The following FAT1 variants were observed in gnomAD, a reference collection of about 807,000 sequenced individuals.
FAT1 encodes the protein protocadherin Fat 1.
Under a neutral mutation model 329.8 loss-of-function variants are expected in FAT1, and 171 were observed. The ratio of observed to expected loss-of-function variants is 0.52; its 90% CI spans 0.46 to 0.59. The LOEUF is 0.59. FAT1 is among the 20% of genes least tolerant of loss of function. FAT1 has a pLI of 0.00. For missense variants in FAT1, 5,672 were observed against 5,774.4 expected, an observed-to-expected ratio of 0.98 and a Z score of 0.57; for synonymous variants, 2,233 against 2,228.6, an observed-to-expected ratio of 1.00 and a Z score of -0.06.
At chr4:186,664,271 G>C (rs867156048) in intron 2 of FAT1, among the ~76,000 whole-genome samples, 1 of 152,152 alleles carries the variant, frequency 6.6e-6, no homozygotes, top group Non-Finnish European at 1.5e-5. Context: ...GAGTGTTGAG[G>C]TCCTTTTATT....
rs2126352744 is a variant in FAT1 at position 186,588,932 on chromosome 4, G to A, written c.13427C>T (p.Ser4476Phe). Residue 4476 changes from serine to phenylalanine, a missense_variant, in exon 27 of 27, where the codon TCT becomes TTT. By Grantham distance (155) the Ser-to-Phe change is radical. Coordinates refer to ENST00000441802, the MANE Select transcript of FAT1 (RefSeq NM_005245.4). ...GAACCTCTGCCGGTTTCTTGATGAAGAACCCAAGCTACCCGCGGCAGGCAT... is the reference window on the plus strand; with the variant it reads ...GAACCTCTGCCGGTTTCTTGATGAAAAACCCAAGCTACCCGCGGCAGGCAT... ...RDMPAAGSLG[S>F]SSRNRQRFNL... 6.2e-7 allele frequency: 1 copy of A among 1,613,972 alleles called. No homozygotes were observed. Among genetic ancestry groups the A allele is most frequent in the Non-Finnish European group, 8.5e-7 (1 of 1,179,864 alleles).
At chr4:186,615,656 G>A (rs946660416) in intron 11 of FAT1, among the ~76,000 whole-genome samples, 7 of 152,030 alleles carry the variant, frequency 4.6e-5, no homozygotes, top group East Asian at 1.9e-4. Context: ...AGCTCCACTC[G>A]CCACCCTGCC....
intron 2 of FAT1, among the ~76,000 whole-genome samples, chr4:186,680,275 G>C (rs562425703): frequency 4.6e-5 from 7 of 152,204 alleles, no homozygotes; most frequent in Non-Finnish European, 1.0e-4. Flanking sequence ...AGGGGTACCA[G>C]TGTTGAGAAG....
In FAT1 at chr4:186,644,557, C is replaced by T. The variant is rs540200630; in HGVS notation, c.3581-4774G>A. Reference sequence around the variant, plus strand: ...TCACCCCAGAAATGTATGCACAATGCAGTAACAAAGTTTATGGCACTTGAG... The same window carrying T: ...TCACCCCAGAAATGTATGCACAATGTAGTAACAAAGTTTATGGCACTTGAG... On this transcript the variant is annotated intron_variant, in intron 3 of 26. Coordinates refer to ENST00000441802, the MANE Select transcript of FAT1 (RefSeq NM_005245.4). Among the ~76,000 whole-genome samples the T allele has an allele frequency of 2.0e-5, 3 of 152,318 alleles. No homozygotes were observed. The South Asian group carries it at 6.2e-4, about 32-fold the overall frequency.
chr4:186,669,185 G>A (rs776972772), intron 2 of FAT1, among the ~76,000 whole-genome samples: 8 of 152,126 alleles, frequency 5.3e-5, no homozygotes, highest in African/African-American at 7.2e-5. Context: ...CACAGCATGC[G>A]GCCAGAAGGT....
intron 3 of FAT1, among the ~76,000 whole-genome samples, chr4:186,660,198 T>G (rs992904293): frequency 1.3e-5 from 2 of 152,092 alleles, no homozygotes; most frequent in African/African-American, 4.8e-5. Flanking sequence ...CGGACTTTCA[T>G]CAGCCTTCAC....
intron 13 of FAT1, among the ~76,000 whole-genome samples, chr4:186,612,843 T>C (rs1184114106): frequency 6.6e-6 from 1 of 152,220 alleles, no homozygotes; most frequent in African/African-American, 2.4e-5. Context: ...CACTGATTAA[T>C]TCAATGGGAT....
chr4:186,645,456 A>C, intron 3 of FAT1, among the ~76,000 whole-genome samples: 1 of 139,228 alleles, frequency 7.2e-6, no homozygotes, highest in Non-Finnish European at 1.5e-5. Flanking sequence ...CCACATATGT[A>C]TATGTGTATA....
In FAT1 at chr4:186,636,100, T is replaced by C. The variant is rs746980042; in HGVS notation, c.4108A>G (p.Ser1370Gly). ...CCAATCATGTGAGCAACGGGGTCAC[T>C]TTCCATCACAGTAAAGGTAAAAAAT... ...ESFFTFTVME[S>G]DPVAHMIGVI... Residue 1370 changes from serine (S) to glycine (G), a missense_variant, in exon 6 of 27, where the codon AGT (serine) becomes GGT (glycine). Around this residue, in one of 2 missense-constraint regions of FAT1, gnomAD observed 3,966 missense variants for 3,915.2 expected, o/e 1.01. Transcript: ENST00000441802. 12 of 1,613,854 alleles carry C rather than the reference T, an allele frequency of 7.4e-6. No individual in the cohort carries two copies. The highest frequency in any genetic ancestry group is 1.3e-5 in the African/African-American group (1 of 74,932).
At chr4:186,672,776 T>C (rs1196905447) in intron 2 of FAT1, among the ~76,000 whole-genome samples, 4 of 152,152 alleles carry the variant, frequency 2.6e-5, no homozygotes, top group Admixed American at 1.3e-4. Context: ...TTCCAGACAA[T>C]CGTGCTAAAT....
rs139186706 is a variant in FAT1 at position 186,667,663 on chromosome 4, A to AT, written c.3266-4051dup. On this transcript the variant is annotated intron_variant, in intron 2 of 26. Coordinates refer to ENST00000441802, the MANE Select transcript of FAT1 (RefSeq NM_005245.4). ...CTTATCTTCTAACCAAAATCCTCAG[A>AT]TCCCTCATGTCCACCAATCACGTCA... 4.9e-3 allele frequency among the ~76,000 whole-genome samples: 750 copies of AT among 152,354 alleles called. 7 individuals are homozygous for AT. The highest frequency in any genetic ancestry group is 0.017 in the African/African-American group (702 of 41,578).
In FAT1 at chr4:186,636,667, T is replaced by C; in HGVS notation, c.3890A>G (p.His1297Arg). Residue 1297 changes from histidine (H) to arginine (R), a missense_variant, in exon 5 of 27, where the codon CAT (histidine) becomes CGT (arginine). Around this residue, in one of 2 missense-constraint regions of FAT1, gnomAD observed 3,966 missense variants for 3,915.2 expected, o/e 1.01. Coordinates refer to ENST00000441802, the MANE Select transcript of FAT1 (RefSeq NM_005245.4). The stretch of plus-strand genomic sequence containing the variant: ...TTTCGGTTCGATGAAAAATTTGCCA[T>C]GCTCATTCCCGTCTTCGATGCTGTA... Reference protein sequence around the residue: ...ISYSIEDGNEHGKFFIEPKTG... With the variant: ...ISYSIEDGNERGKFFIEPKTG... 6.2e-7 allele frequency: 1 copy of C among 1,613,936 alleles called. No individual in the cohort carries two copies. The highest frequency in any genetic ancestry group is 8.5e-7 in the Non-Finnish European group (1 of 1,179,886).
chr4:186,695,758 A>G (rs896431601), intron 2 of FAT1, among the ~76,000 whole-genome samples: 3 of 89,418 alleles, frequency 3.4e-5, no homozygotes, highest in Non-Finnish European at 6.9e-5. Flanking sequence ...TATTATATAT[A>G]AAACACACAC....
intron 3 of FAT1, among the ~76,000 whole-genome samples, chr4:186,645,622 G>GA (rs1176492402): frequency 6.6e-6 from 1 of 151,134 alleles, no homozygotes; most frequent in African/African-American, 2.4e-5. Context: ...ACCAGGGAGG[G>GA]ACTGAAGACT....
rs753525467 is a variant in FAT1 at position 186,599,973 on chromosome 4, A to C, written c.12028T>G (p.Phe4010Val). ...GCGCAGTCTTCCGTGGCCGTCAGGA[A>C]GCAGCCTGGAGATACATCCACCGAC... ...EESVDVSPGC[F>V]LTATEDCASN... Residue 4010 changes from phenylalanine (F) to valine (V), a missense_variant, in exon 22 of 27, where the codon TTC (phenylalanine) becomes GTC (valine). Transcript: ENST00000441802. The C allele has an allele frequency of 1.9e-6, 3 of 1,613,988 alleles. No homozygotes were observed. Among genetic ancestry groups the C allele is most frequent in the Admixed American group, 1.7e-5 (1 of 60,024 alleles).
intron 2 of FAT1, among the ~76,000 whole-genome samples, chr4:186,681,420 C>T (rs1351707983): frequency 6.6e-6 from 1 of 152,140 alleles, no homozygotes; most frequent in Non-Finnish European, 1.5e-5. Flanking sequence ...TAATCCCTAA[C>T]CTCTGTATTT....
chr4:186,619,492 C>G lies in FAT1; in HGVS notation c.7094G>C (p.Gly2365Ala), dbSNP rs1479149503. ...QHTIFVRAVD[G>A]GMPTLSSDVI... ...ATCACTGCTCAGCGTGGGCATACCA[C>G]CATCAACTGCCCTCACAAAAATCGT... is the stretch of plus-strand genomic sequence containing the variant. The change falls in exon 10 of 27, where the codon GGT becomes GCT. Residue 2365 changes from glycine (G) to alanine (A), a missense_variant. By Grantham distance (60) the Gly-to-Ala change is moderately conservative (BLOSUM62 0). Around this residue, in one of 2 missense-constraint regions of FAT1, gnomAD observed 3,966 missense variants for 3,915.2 expected, o/e 1.01. Transcript: ENST00000441802. The G allele has an allele frequency of 3.1e-6, 5 of 1,613,832 alleles. No individual in the cohort carries two copies. The highest frequency in any genetic ancestry group is 4.2e-6 in the Non-Finnish European group (5 of 1,179,898).
chr4:186,675,940 T>G (rs1742937116), intron 2 of FAT1, among the ~76,000 whole-genome samples: 1 of 152,128 alleles, frequency 6.6e-6, no homozygotes, highest in African/African-American at 2.4e-5. Flanking sequence ...TTTAATTCAT[T>G]CAACACAGAA....
At chr4:186,654,471 A>G (rs1033952503) in intron 3 of FAT1, among the ~76,000 whole-genome samples, 1 of 152,210 alleles carries the variant, frequency 6.6e-6, no homozygotes, top group African/African-American at 2.4e-5. Flanking sequence ...CCCTTGGGCT[A>G]TCTCCTTCAA....
Sources: gnomAD v4.1 joint callset for allele counts (sites outside exome capture counted in the v4.1 genomes callset) on GRCh38, gnomAD v4.1.1 for gene constraint, gnomAD v4.1.1 regional missense constraint, MANE v1.5 for transcripts, NCBI Gene and HGNC (gene_info 2026-07-23, HGNC 2026-07-21) for gene names.